The following ARHGEF28 variants were observed in gnomAD, a reference collection of about 807,000 sequenced individuals.
ARHGEF28 encodes the protein Rho guanine nucleotide exchange factor 28.
A neutral mutation model predicts 206.6 loss-of-function variants in ARHGEF28; 152 were observed. The ratio of observed to expected loss-of-function variants is 0.74; its 90% CI spans 0.64 to 0.84. The LOEUF is 0.84. Among genes scored for constraint, ARHGEF28 ranks in the 40% least tolerant of loss-of-function variants. ARHGEF28 has a pLI of 0.00. For missense variants in ARHGEF28, 2,028 were observed against 2,073.2 expected (o/e 0.98, Z 0.42); for synonymous variants, 763 against 776.4 (o/e 0.98, Z 0.29).
chr5:73,873,175 A>T lies in ARHGEF28; in HGVS notation c.2743A>T (p.Arg915Trp). 6.2e-7 allele frequency: 1 copy of T among 1,612,496 alleles called. No homozygotes were observed. The highest frequency in any genetic ancestry group is 1.1e-5 in the South Asian group (1 of 90,604). The change falls in exon 22 of 36, where the codon AGG becomes TGG. Residue 915 changes from arginine to tryptophan, a missense_variant. Physicochemically the swap from Arg to Trp is moderately radical, Grantham distance 101 (BLOSUM62 -3). Transcript: ENST00000513042. ...RHFFYSMKER[R>W]QESCAGSDRN... ...TTTCTTCTACAGTATGAAGGAACGA[A>T]GGCAGGAATCCTGTGCTGGCAGCGA...
At chr5:73,740,015 A>AAG (rs1483882226) in intron 2 of ARHGEF28, among the ~76,000 whole-genome samples, 2 of 149,952 alleles carry the variant, frequency 1.3e-5, no homozygotes, top group African/African-American at 2.4e-5. Context: ...CCAAAAAAAA[A>AAG]AAAAAAATTT....
rs114490540 is a variant in ARHGEF28, at chr5:73,806,220, A to G, written c.1024+10829A>G. ...ATATATCGATATGTACTATATATCGATATATAGTACATATCAATATATACT... is the reference window on the plus strand; with the variant it reads ...ATATATCGATATGTACTATATATCGGTATATAGTACATATCAATATATACT... On this transcript the variant is annotated intron_variant, in intron 9 of 35. Transcript: ENST00000513042. Among the ~76,000 whole-genome samples, 1,016 of 131,924 alleles carry G rather than the reference A, an allele frequency of 7.7e-3. 7 individuals carry two copies. The highest frequency in any genetic ancestry group is 0.017 in the African/African-American group (574 of 33,696). The allele number at this position is 131,924 out of a possible 152,430, so 86.5% of individuals were successfully genotyped here.
At chr5:73,913,567 G>A (rs905185085) in intron 35 of ARHGEF28, among the ~76,000 whole-genome samples, 1 of 152,186 alleles carries the variant, frequency 6.6e-6, no homozygotes, top group African/African-American at 2.4e-5. Flanking sequence ...GTGGGCGCTT[G>A]CCACACATGA....
Position 73,726,005 on chromosome 5 carries a change from G to A in ARHGEF28, c.34-23832G>A, listed in dbSNP as rs71636085. On this transcript the variant is annotated intron_variant, in intron 2 of 35. Coordinates refer to ENST00000513042, the MANE Select transcript of ARHGEF28 (RefSeq NM_001177693.2). ...CCTGTCAGGGTCAATTGTTAAACTA[G>A]CAGTCAAGGTGACTGACTTGGGCAG... 9.3e-3 allele frequency among the ~76,000 whole-genome samples: 1,420 copies of A among 152,312 alleles called. 5 individuals carry two copies. The highest frequency in any genetic ancestry group is 0.015 in the Non-Finnish European group (998 of 68,026).
intron 1 of ARHGEF28, among the ~76,000 whole-genome samples, chr5:73,638,353 A>G (rs988986920): frequency 6.6e-6 from 1 of 152,214 alleles, no homozygotes; most frequent in African/African-American, 2.4e-5. Flanking sequence ...GTGTGAATCT[A>G]TTTTTATAAC....
At chr5:73,813,578 A>T in intron 9 of ARHGEF28, 1 of 1,535,532 alleles carries the variant, frequency 6.5e-7, no homozygotes, top group South Asian at 1.2e-5. Context: ...TGATTTCACC[A>T]AAACAAAAAG....
chr5:73,820,041 C>T (rs1353916002), intron 9 of ARHGEF28, among the ~76,000 whole-genome samples: 3 of 152,110 alleles, frequency 2.0e-5, no homozygotes, highest in African/African-American at 7.2e-5. Context: ...GCGGCCAGCC[C>T]ATTATCACAT....
intron 2 of ARHGEF28, among the ~76,000 whole-genome samples, chr5:73,697,126 C>A (rs1049977820): frequency 6.6e-6 from 1 of 152,162 alleles, no homozygotes; most frequent in Non-Finnish European, 1.5e-5. Flanking sequence ...TCGAGGTAGA[C>A]AATTCCTGGC....
intron 1 of ARHGEF28, among the ~76,000 whole-genome samples, chr5:73,671,267 C>T (rs1398904655): frequency 6.6e-6 from 1 of 152,168 alleles, no homozygotes; most frequent in East Asian, 1.9e-4. Context: ...GAGCAAGTTT[C>T]TCAGCCAGGC....
At chr5:73,727,455 A>G (rs1750341310) in intron 2 of ARHGEF28, among the ~76,000 whole-genome samples, 2 of 152,202 alleles carry the variant, frequency 1.3e-5, no homozygotes, top group African/African-American at 4.8e-5. Context: ...TAATGACAGG[A>G]ATAGATGGTC....
intron 33 of ARHGEF28, among the ~76,000 whole-genome samples, chr5:73,906,520 C>A (rs533773085): frequency 6.6e-6 from 1 of 152,336 alleles, no homozygotes; most frequent in East Asian, 1.9e-4. Flanking sequence ...CTGCACCCAG[C>A]CCCACAAGAG....
At chr5:73,679,234 C>T (rs2112235765) in intron 1 of ARHGEF28, among the ~76,000 whole-genome samples, 1 of 152,154 alleles carries the variant, frequency 6.6e-6, no homozygotes, top group African/African-American at 2.4e-5. Flanking sequence ...GATTTTTTTG[C>T]AACAAAAGCA....
At chr5:73,853,599 T>C (rs527744639) in intron 14 of ARHGEF28, among the ~76,000 whole-genome samples, 1 of 152,160 alleles carries the variant, frequency 6.6e-6, no homozygotes, top group Non-Finnish European at 1.5e-5. Context: ...AAGAGGAAGA[T>C]TAAGAATGCC....
At chr5:73,735,238 T>TA (rs1561365990) in intron 2 of ARHGEF28, among the ~76,000 whole-genome samples, 1 of 151,218 alleles carries the variant, frequency 6.6e-6, no homozygotes, top group Admixed American at 6.6e-5. Flanking sequence ...TTAATTAAAT[T>TA]AAAATTAATT....
intron 22 of ARHGEF28, among the ~76,000 whole-genome samples, chr5:73,874,563 C>T (rs1471764550): frequency 6.2e-5 from 1 of 16,200 alleles, no homozygotes; most frequent in Non-Finnish European, 1.0e-4. Context: ...CCTCCCCCCT[C>T]CCCCCTCCCC....
At chr5:73,885,127 G>A (rs553118370) in intron 24 of ARHGEF28, among the ~76,000 whole-genome samples, 1 of 152,218 alleles carries the variant, frequency 6.6e-6, no homozygotes, top group East Asian at 1.9e-4. Context: ...TGGAGGAAGG[G>A]ATCAAGGAAT....
At chr5:73,834,625 A>G (rs189531990) in intron 10 of ARHGEF28, among the ~76,000 whole-genome samples, 48 of 151,706 alleles carry the variant, frequency 3.2e-4, no homozygotes, top group African/African-American at 1.1e-3. Context: ...CATTTCAGTC[A>G]ATGGTGGAAT....
At chr5:73,790,157 C>T (rs1454920179) in intron 7 of ARHGEF28, among the ~76,000 whole-genome samples, 1 of 151,606 alleles carries the variant, frequency 6.6e-6, no homozygotes, top group African/African-American at 2.4e-5. Context: ...GGAAAAAGAT[C>T]CTTTTGCCCT....
chr5:73,769,401 A>G (rs538530554), intron 4 of ARHGEF28, among the ~76,000 whole-genome samples: 3 of 152,302 alleles, frequency 2.0e-5, no homozygotes, highest in Admixed American at 1.3e-4. Context: ...ACGTATGTAT[A>G]TATGCCTAAG....
Sources: allele counts gnomAD v4.1 joint callset (sites outside exome capture counted in the v4.1 genomes callset), GRCh38; gene constraint gnomAD v4.1.1; transcripts MANE v1.5; gene names NCBI Gene and HGNC (gene_info 2026-07-23, HGNC 2026-07-21).